KRT36: variants seen among roughly 807,000 people sequenced by gnomAD.
KRT36 encodes the protein keratin 36.
A neutral mutation model predicts 43.0 loss-of-function variants in KRT36; 41 were observed. The observed-to-expected ratio is 0.95, with a 90% CI of 0.74 to 1.24. The LOEUF (loss-of-function observed/expected upper bound fraction) is 1.24, where lower values mean the gene tolerates loss of function less well. Ranked by LOEUF, KRT36 falls within the 50% of genes most tolerant of loss-of-function variation. The probability of loss-of-function intolerance (pLI) is 0.00; values close to 1 mark genes in which losing one functional copy is unlikely to be tolerated. For missense variants in KRT36, 627 were observed against 595.3 expected (o/e 1.05, Z -0.55); for synonymous variants, 277 against 252.9 (o/e 1.10, Z -0.90).
rs773961131 is a variant in KRT36 at position 41,487,007 on chromosome 17, G to T, written c.1151C>A (p.Ala384Asp). ...QEYQVLLDVK[A>D]RLEGEIATYR... ...GGTAGCGATCTCGCCCTCCAGCCGG[G>T]CCTTGACGTCCAGTAACACCTGGTA... The change falls in exon 6 of 7, where the codon GCC becomes GAC. Residue 384 changes from alanine (A) to aspartate (D), a missense_variant. Physicochemically the swap from Ala to Asp is moderately radical, Grantham distance 126 (BLOSUM62 -2). Coordinates refer to ENST00000328119, the MANE Select transcript of KRT36 (RefSeq NM_003771.5). 1 of 1,614,058 alleles carries T rather than the reference G, an allele frequency of 6.2e-7. No individual in the cohort carries two copies. The highest frequency in any genetic ancestry group is 8.5e-7 in the Non-Finnish European group (1 of 1,180,034).
chr17:41,487,215 CT>C, intron 5 of KRT36, 45 bp from the exon 6 acceptor site: 1 of 1,590,352 alleles, frequency 6.3e-7, no homozygotes, highest in Non-Finnish European at 8.6e-7. Context: ...GAGGAATCCC[CT>C]GACCCCAGAA....
intron 1 of KRT36, among the ~76,000 whole-genome samples, 197 bp downstream of exon 1, chr17:41,489,209 G>A (rs1439069206): frequency 1.3e-5 from 2 of 152,142 alleles, no homozygotes; most frequent in African/African-American, 2.4e-5. Context: ...GGTGAGGAAC[G>A]GCTGGCAACA....
intron 2 of KRT36, 111 bp downstream of exon 2, chr17:41,488,531 C>T: frequency 6.7e-7 from 1 of 1,497,530 alleles, no homozygotes; most frequent in Non-Finnish European, 9.3e-7. Context: ...AGGTCCAGGG[C>T]TCATGCCACA....
intron 6 of KRT36, 35 bp from the exon 7 acceptor site, chr17:41,486,606 A>G: frequency 6.8e-7 from 1 of 1,469,478 alleles, no homozygotes; most frequent in Non-Finnish European, 9.1e-7. Context: ...TGCATTTGGC[A>G]TCGGAGCACT....
rs1904419316 is a variant in KRT36, at chr17:41,487,341, G to A, written c.987+10C>T. 1 of 1,609,356 alleles carries A rather than the reference G, an allele frequency of 6.2e-7. No homozygotes were observed. The highest frequency in any genetic ancestry group is 1.1e-5 in the South Asian group (1 of 90,748). On this transcript the variant is annotated intron_variant, in intron 5 of 6. Transcript: ENST00000328119. The stretch of plus-strand genomic sequence containing the variant: ...GGCCGTGGCCAGCGACGCAGGCAGG[G>A]GCCACTCACCATGCTGTGCTGAGCC...
At chr17:41,489,354 C>A (rs8065111) in intron 1 of KRT36, 52 bp downstream of exon 1, 2 of 1,559,842 alleles carry the variant, frequency 1.3e-6, no homozygotes, top group South Asian at 1.2e-5. Flanking sequence ...ATGAGACAGA[C>A]GCCTCCTAAG....
intron 1 of KRT36, 106 bp downstream of exon 1, chr17:41,489,300 G>T: frequency 7.9e-7 from 1 of 1,262,866 alleles, no homozygotes. Context: ...GCCCTACCAG[G>T]AGAATTCCCT....
rs886996592 is a variant in KRT36, at chr17:41,486,374, T to G, written c.*2A>C. The G allele has an allele frequency of 2.5e-5, 41 of 1,613,276 alleles. No homozygotes were observed. Among genetic ancestry groups the G allele is most frequent in the Non-Finnish European group, 3.3e-5 (39 of 1,179,660 alleles). On this transcript the variant is annotated 3_prime_UTR_variant, in exon 7 of 7. Coordinates refer to ENST00000328119, the MANE Select transcript of KRT36 (RefSeq NM_003771.5). ...CCCTGCCCTGGTGGACCAAGTGGGCTGTCACAGCGGGCGGGACTGCACGTG... is the reference window on the plus strand; with the variant it reads ...CCCTGCCCTGGTGGACCAAGTGGGCGGTCACAGCGGGCGGGACTGCACGTG...
In KRT36 at chr17:41,487,405, C is replaced by G. The variant is rs1904424397; in HGVS notation, c.933G>C (p.Glu311Asp). 1 of 1,613,866 alleles carries G rather than the reference C, an allele frequency of 6.2e-7. No homozygotes were observed. The change falls in exon 5 of 7, where the codon GAG becomes GAC. Residue 311 changes from glutamate to aspartate, a missense_variant. Glu to Asp is a conservative substitution (Grantham distance 45, BLOSUM62 2). Transcript: ENST00000328119. ...CTAGCGCGTTGACCGTACGTCTCAGCTCGATGATCTCCGTCTGGCAGCACT... is the reference window on the plus strand; with the variant it reads ...CTAGCGCGTTGACCGTACGTCTCAGGTCGATGATCTCCGTCTGGCAGCACT... Reference protein sequence around the residue: ...QLQCCQTEIIELRRTVNALEI... With the variant: ...QLQCCQTEIIDLRRTVNALEI...
In KRT36 at chr17:41,489,510, C is replaced by T. The variant is rs757664985; in HGVS notation, c.355G>A (p.Ala119Thr). ...EKVRQLEREN[A>T]ELESRIQEWY... is the part of the protein sequence containing the mutation. ...TCCTGGATGCGGCTCTCCAGCTCCG[C>T]GTTCTCCCGCTCCAGCTGACGCACC... The change falls in exon 1 of 7, where the codon GCG becomes ACG. Residue 119 changes from alanine (A) to threonine (T), a missense_variant. Physicochemically the swap from Ala to Thr is moderately conservative, Grantham distance 58 (BLOSUM62 0). Coordinates refer to ENST00000328119, the MANE Select transcript of KRT36 (RefSeq NM_003771.5). 4.3e-6 allele frequency: 7 copies of T among 1,614,212 alleles called. No individual in the cohort carries two copies. The highest frequency in any genetic ancestry group is 1.1e-5 in the South Asian group (1 of 91,084).
Position 41,489,901 on chromosome 17 carries a change from C to A in KRT36, c.-37G>T. On this transcript the variant is annotated 5_prime_UTR_variant, in exon 1 of 7. Coordinates refer to ENST00000328119, the MANE Select transcript of KRT36 (RefSeq NM_003771.5). ...AGGAAGGTTGCAGCTTAGCAAGGAG[C>A]TCAGGTTCTGGACTCTCAAGGCCTC... 1 of 1,559,430 alleles carries A rather than the reference C, an allele frequency of 6.4e-7. No individual in the cohort carries two copies. Among genetic ancestry groups the A allele is most frequent in the Non-Finnish European group, 8.8e-7 (1 of 1,137,524 alleles).
In KRT36 at chr17:41,489,790, G is replaced by T; in HGVS notation, c.75C>A (p.Ile25=). ...IKGLCGTAGG[I]SRVSSIRSVG... is the part of the protein sequence containing the mutation. ...CAGAACGGATGGAGGACACCCGAGA[G>T]ATGCCGCCTGCTGTGCCACAGAGGC... Residue 25 remains isoleucine (I), a synonymous_variant, in exon 1 of 7, where the codon ATC becomes ATA. Transcript: ENST00000328119. The T allele has an allele frequency of 6.2e-7, 1 of 1,613,844 alleles. No homozygotes were observed. The highest frequency in any genetic ancestry group is 8.5e-7 in the Non-Finnish European group (1 of 1,180,000).
chr17:41,486,768 C>T (rs1904393853), intron 6 of KRT36, among the ~76,000 whole-genome samples, 182 bp downstream of exon 6: 1 of 152,134 alleles, frequency 6.6e-6, no homozygotes, highest in Admixed American at 6.5e-5. Context: ...GCGGAAAACA[C>T]GCGGCGTGTG....
chr17:41,488,047 T>G (rs1434495759), intron 3 of KRT36, among the ~76,000 whole-genome samples, 196 bp downstream of exon 3: 3 of 152,272 alleles, frequency 2.0e-5, no homozygotes, highest in Admixed American at 1.3e-4. Context: ...TTAACCTCTT[T>G]GTGCCTAAGT....
At chr17:41,487,785 A>G in intron 3 of KRT36, 48 bp from the exon 4 acceptor site, 2 of 1,563,796 alleles carry the variant, frequency 1.3e-6, no homozygotes, top group Non-Finnish European at 1.7e-6. Flanking sequence ...AAGATGCTGG[A>G]TTGCAGGTTT....
rs749301115 is a variant in KRT36, at chr17:41,489,736, G to T, written c.129C>A (p.Ala43=). ...CAGAAGAGATGTACCCTGCAGCACC[G>T]GCGAGACTGGGGACCCTGCAGGAGC... The part of the protein sequence containing the change: ...SVGSCRVPSL[A]GAAGYISSAR... Residue 43 remains alanine, a synonymous_variant, in exon 1 of 7, where the codon GCC becomes GCA. Coordinates refer to ENST00000328119, the MANE Select transcript of KRT36 (RefSeq NM_003771.5). 16 of 1,613,928 alleles carry T rather than the reference G, an allele frequency of 9.9e-6. No individual in the cohort carries two copies. The highest frequency in any genetic ancestry group is 1.4e-5 in the Non-Finnish European group (16 of 1,180,000).
intron 1 of KRT36, 135 bp downstream of exon 1, chr17:41,489,271 G>T: frequency 1.1e-6 from 1 of 936,416 alleles, no homozygotes; most frequent in Non-Finnish European, 1.6e-6. Flanking sequence ...GGAAACCAAA[G>T]CCCTAGAGAG....
In KRT36 at chr17:41,486,557, G is replaced by T; in HGVS notation, c.1223C>A (p.Pro408His). 1.3e-6 allele frequency: 2 copies of T among 1,577,590 alleles called. No homozygotes were observed. Among genetic ancestry groups the T allele is most frequent in the East Asian group, 2.2e-5 (1 of 44,550 alleles). ...EGEDCKLPPQPCATACKPVIR... is the reference protein window; with the variant it reads ...EGEDCKLPPQHCATACKPVIR... The stretch of plus-strand genomic sequence containing the variant: ...AACAGGCTTGCATGCCGTGGCACAA[G>T]GTTGGGGAGGAAGCCTGAGGAAACA... Residue 408 changes from proline (P) to histidine (H), a missense_variant, in exon 7 of 7, where the codon CCT becomes CAT. Transcript: ENST00000328119.
In KRT36 at chr17:41,489,664, G is replaced by A. The variant is rs761128080; in HGVS notation, c.201C>T (p.Tyr67=). ...SGLGSCLPGS[Y]LSSECHTSGF... Reference sequence around the variant, plus strand: ...CAGAGGTGTGGCACTCAGAAGACAGGTAGGAGCCAGGCAAGCAGCTCCCAA... The same window carrying A: ...CAGAGGTGTGGCACTCAGAAGACAGATAGGAGCCAGGCAAGCAGCTCCCAA... The change falls in exon 1 of 7, where the codon TAC becomes TAT. Residue 67 remains tyrosine (Y), a synonymous_variant. Coordinates refer to ENST00000328119, the MANE Select transcript of KRT36 (RefSeq NM_003771.5). The A allele has an allele frequency of 6.8e-6, 11 of 1,614,072 alleles. No homozygotes were observed. The highest frequency in any genetic ancestry group is 6.8e-6 in the Non-Finnish European group (8 of 1,180,054).
Sources: gnomAD v4.1 joint callset for allele counts (sites outside exome capture counted in the v4.1 genomes callset) on GRCh38, gnomAD v4.1.1 for gene constraint, MANE v1.5 for transcripts, NCBI Gene and HGNC (gene_info 2026-07-23, HGNC 2026-07-21) for gene names.